Variants in GATAD2B observed in about 807,000 individuals in gnomAD.
GATAD2B encodes the protein GATA zinc finger domain containing 2B.
Under a neutral mutation model 64.3 loss-of-function variants are expected in GATAD2B, and 8 were observed. That is an observed-to-expected ratio of 0.12 (90% CI 0.07 to 0.22). The LOEUF (loss-of-function observed/expected upper bound fraction) is 0.22, where lower values mean the gene tolerates loss of function less well. Among genes scored for constraint, GATAD2B ranks in the 10% least tolerant of loss-of-function variants. The pLI is 1.00. For missense variants in GATAD2B, 453 were observed against 752.0 expected, an observed-to-expected ratio of 0.60 and a Z score of 4.65; for synonymous variants, 281 against 271.3, an observed-to-expected ratio of 1.04 and a Z score of -0.35.
chr1:153,842,945 T>C (rs2101903090), intron 1 of GATAD2B, among the ~76,000 whole-genome samples: 1 of 144,432 alleles, frequency 6.9e-6, no homozygotes, highest in African/African-American at 2.5e-5. Context: ...GTGAGCCACC[T>C]CGCCCAGCCT....
intron 1 of GATAD2B, among the ~76,000 whole-genome samples, chr1:153,836,726 C>T (rs1675283055): frequency 6.6e-6 from 1 of 152,046 alleles, no homozygotes; most frequent in African/African-American, 2.4e-5. Context: ...TGATATACTA[C>T]AGTATTCTAA....
At chr1:153,886,072 C>T (rs1402827107) in intron 1 of GATAD2B, among the ~76,000 whole-genome samples, 3 of 152,140 alleles carry the variant, frequency 2.0e-5, no homozygotes, top group Non-Finnish European at 4.4e-5. Flanking sequence ...CTTCATAGAA[C>T]CACTTAACAA....
At chr1:153,823,793 C>T (rs913250949) in intron 2 of GATAD2B, among the ~76,000 whole-genome samples, 2 of 150,778 alleles carry the variant, frequency 1.3e-5, no homozygotes, top group African/African-American at 4.9e-5. Context: ...TGCAGTGGTG[C>T]AATCTCTGCT....
intron 1 of GATAD2B, among the ~76,000 whole-genome samples, chr1:153,897,504 G>A (rs527365600): frequency 9.2e-5 from 14 of 152,190 alleles, no homozygotes; most frequent in Non-Finnish European, 2.1e-4. Context: ...GACTTTTGGT[G>A]CTAACTATCT....
rs144058752 is a variant in GATAD2B at position 153,871,220 on chromosome 1, C to G, written c.-1-42872G>C. On this transcript the variant is annotated intron_variant, in intron 1 of 10. Coordinates refer to ENST00000368655, the MANE Select transcript of GATAD2B (RefSeq NM_020699.4). The stretch of plus-strand genomic sequence containing the variant: ...TAGCTGGGACTACAGGTGAGCACCA[C>G]CATGCCCGGCTAATTTTTCTATTTT... Among the ~76,000 whole-genome samples the G allele has an allele frequency of 2.0e-3, 300 of 152,282 alleles. 2 individuals carry two copies. Among genetic ancestry groups the G allele is most frequent in the African/African-American group, 6.8e-3 (284 of 41,560 alleles).
At chr1:153,825,721 A>G (rs567214152) in intron 2 of GATAD2B, among the ~76,000 whole-genome samples, 9 of 152,040 alleles carry the variant, frequency 5.9e-5, no homozygotes, top group African/African-American at 2.2e-4. Flanking sequence ...ACCGCTTACT[A>G]AGAGTTTTTA....
chr1:153,854,198 C>T (rs1055563526), intron 1 of GATAD2B, among the ~76,000 whole-genome samples: 5 of 151,990 alleles, frequency 3.3e-5, no homozygotes, highest in African/African-American at 7.2e-5. Flanking sequence ...GTCAGGAGAT[C>T]GAGACCGTCC....
At chr1:153,907,307 G>C (rs1287275585) in intron 1 of GATAD2B, among the ~76,000 whole-genome samples, 1 of 152,108 alleles carries the variant, frequency 6.6e-6, no homozygotes, top group African/African-American at 2.4e-5. Context: ...TACATACAAA[G>C]GAATATTATT....
rs770726936 is a variant in GATAD2B at position 153,810,176 on chromosome 1, G to A, written c.*1C>T. The A allele has an allele frequency of 5.0e-6, 8 of 1,608,108 alleles. No homozygotes were observed. The highest frequency in any genetic ancestry group is 1.6e-4 in the Middle Eastern group (1 of 6,064). On this transcript the variant is annotated 3_prime_UTR_variant, in exon 11 of 11. Transcript: ENST00000368655. ...ATGGGGCAGTACAAGTGGAACAGGC[G>A]TTATTTCTGTCCACTGATGGACTGC...
chr1:153,868,099 G>T (rs989783459), intron 1 of GATAD2B, among the ~76,000 whole-genome samples: 3 of 152,080 alleles, frequency 2.0e-5, no homozygotes, highest in African/African-American at 7.2e-5. Context: ...TACTCAGGAG[G>T]CTGAGGCAGA....
chr1:153,863,055 A>G (rs1024415543), intron 1 of GATAD2B, among the ~76,000 whole-genome samples: 2 of 152,162 alleles, frequency 1.3e-5, no homozygotes, highest in Non-Finnish European at 2.9e-5. Flanking sequence ...ATAAATTAAA[A>G]TGCAGCTTCC....
At chr1:153,917,197 C>G (rs1023948621) in intron 1 of GATAD2B, among the ~76,000 whole-genome samples, 2 of 149,134 alleles carry the variant, frequency 1.3e-5, no homozygotes, top group African/African-American at 5.0e-5. Context: ...CTCCTGGGTT[C>G]AAGCAATTCT....
chr1:153,880,860 AAGG>A (rs1159196347), intron 1 of GATAD2B, among the ~76,000 whole-genome samples: 1 of 151,966 alleles, frequency 6.6e-6, no homozygotes, highest in Non-Finnish European at 1.5e-5. Context: ...AAAAATAAAA[AAGG>A]AGATCCAGGA....
chr1:153,862,141 T>A (rs1215485902), intron 1 of GATAD2B, among the ~76,000 whole-genome samples: 6 of 146,634 alleles, frequency 4.1e-5, no homozygotes, highest in Non-Finnish European at 6.0e-5. Context: ...TTTTTTTTTT[T>A]AGACTGAGTC....
chr1:153,882,612 T>A (rs902413983), intron 1 of GATAD2B, among the ~76,000 whole-genome samples: 1 of 152,208 alleles, frequency 6.6e-6, no homozygotes, highest in Admixed American at 6.6e-5. Context: ...AATTTAAAAA[T>A]TTTTTAATGC....
At chr1:153,825,151 A>T (rs577972153) in intron 2 of GATAD2B, among the ~76,000 whole-genome samples, 1 of 152,296 alleles carries the variant, frequency 6.6e-6, no homozygotes, top group Non-Finnish European at 1.5e-5. Flanking sequence ...GAATGTGAAG[A>T]ATCCACCTAA....
At chr1:153,812,183 C>T in intron 8 of GATAD2B, 51 bp from the exon 9 acceptor site, 1 of 894,646 alleles carries the variant, frequency 1.1e-6, no homozygotes, top group Non-Finnish European at 1.7e-6. Flanking sequence ...ACCCAATACC[C>T]AATTTCCTTT....
chr1:153,858,952 A>G (rs1676180043), intron 1 of GATAD2B, among the ~76,000 whole-genome samples: 1 of 152,148 alleles, frequency 6.6e-6, no homozygotes, highest in African/African-American at 2.4e-5. Flanking sequence ...AACTGTGCAA[A>G]TATCTGGGAG....
chr1:153,910,113 C>G (rs568814818), intron 1 of GATAD2B, among the ~76,000 whole-genome samples: 1 of 151,582 alleles, frequency 6.6e-6, no homozygotes, highest in African/African-American at 2.4e-5. Context: ...GACTCCGTCT[C>G]AAAATAATAA....
Sources: gnomAD v4.1 joint callset for allele counts (sites outside exome capture counted in the v4.1 genomes callset) on GRCh38, gnomAD v4.1.1 for gene constraint, MANE v1.5 for transcripts, NCBI Gene and HGNC (gene_info 2026-07-23, HGNC 2026-07-21) for gene names.